The following PTPRG variants were observed in gnomAD, a reference collection of about 807,000 sequenced individuals.
The protein encoded by PTPRG is receptor-type tyrosine-protein phosphatase gamma.
Under a neutral mutation model 165.3 loss-of-function variants are expected in PTPRG, and 102 were observed. The ratio of observed to expected loss-of-function variants is 0.62; its 90% CI spans 0.53 to 0.73. PTPRG has a LOEUF of 0.73. Among genes scored for constraint, PTPRG ranks in the 30% least tolerant of loss-of-function variants. PTPRG has a pLI of 0.00. For synonymous variants in PTPRG, 675 were observed against 669.5 expected, an observed-to-expected ratio of 1.01 and a Z score of -0.13; for missense variants, 1,866 against 1,861.4, an observed-to-expected ratio of 1.00 and a Z score of -0.05.
At chr3:61,569,453 T>C (rs1700003793) in intron 1 of PTPRG, among the ~76,000 whole-genome samples, 1 of 152,202 alleles carries the variant, frequency 6.6e-6, no homozygotes, top group Non-Finnish European at 1.5e-5. Context: ...CAGTAAGTGC[T>C]CAATAACCAT....
At chr3:61,871,414 G>T (rs1187655783) in intron 2 of PTPRG, among the ~76,000 whole-genome samples, 1 of 151,772 alleles carries the variant, frequency 6.6e-6, no homozygotes, top group Non-Finnish European at 1.5e-5. Flanking sequence ...TTTTTTTTTG[G>T]AGAGATGGGG....
chr3:62,191,429 G>A (rs747177452), intron 8 of PTPRG, 40 bp from the exon 9 acceptor site: 1 of 1,596,614 alleles, frequency 6.3e-7, no homozygotes, highest in South Asian at 1.1e-5. Context: ...ATGGCGCATT[G>A]TTCTGAAAGC....
intron 2 of PTPRG, among the ~76,000 whole-genome samples, chr3:61,907,519 G>T (rs528399534): frequency 6.6e-6 from 1 of 152,138 alleles, no homozygotes; most frequent in African/African-American, 2.4e-5. Flanking sequence ...TTTTATGGAA[G>T]GTCCTTTTAT....
chr3:61,947,609 C>CT (rs1446752545), intron 2 of PTPRG, among the ~76,000 whole-genome samples: 1 of 152,162 alleles, frequency 6.6e-6, no homozygotes, highest in Non-Finnish European at 1.5e-5. Context: ...AACTGATTGA[C>CT]TGAAGTAACT....
intron 2 of PTPRG, among the ~76,000 whole-genome samples, chr3:61,901,119 T>A (rs2038488630): frequency 6.6e-6 from 1 of 152,222 alleles, no homozygotes; most frequent in African/African-American, 2.4e-5. Context: ...AACGTGGATT[T>A]CAGATGTTCT....
intron 2 of PTPRG, among the ~76,000 whole-genome samples, chr3:61,947,039 G>C (rs950706053): frequency 1.3e-5 from 2 of 152,196 alleles, no homozygotes; most frequent in Non-Finnish European, 2.9e-5. Flanking sequence ...CAGCAGCGAT[G>C]TAATCCTTTA....
chr3:61,816,267 C>A (rs972290071), intron 2 of PTPRG, among the ~76,000 whole-genome samples: 1 of 152,212 alleles, frequency 6.6e-6, no homozygotes, highest in African/African-American at 2.4e-5. Context: ...TGGTGGCTCA[C>A]ACCCATAATC....
At chr3:61,595,066 AAC>A (rs1421574155) in intron 1 of PTPRG, among the ~76,000 whole-genome samples, 1 of 152,146 alleles carries the variant, frequency 6.6e-6, no homozygotes, top group African/African-American at 2.4e-5. Context: ...ATTTTGTCAA[AAC>A]ACACAGATGA....
intron 1 of PTPRG, among the ~76,000 whole-genome samples, chr3:61,725,744 G>A (rs1235916810): frequency 7.3e-6 from 1 of 136,944 alleles, no homozygotes; most frequent in Admixed American, 7.7e-5. Context: ...AATGGCTACT[G>A]TGTTCATTGC....
At chr3:61,890,244 G>C (rs910104179) in intron 2 of PTPRG, among the ~76,000 whole-genome samples, 10 of 152,090 alleles carry the variant, frequency 6.6e-5, no homozygotes, top group African/African-American at 2.4e-4. Context: ...TGAATGGCCA[G>C]ATTTAACTAA....
At chr3:61,563,645 G>T (rs570187564) in intron 1 of PTPRG, among the ~76,000 whole-genome samples, 3 of 152,342 alleles carry the variant, frequency 2.0e-5, no homozygotes, top group African/African-American at 7.2e-5. Context: ...GGAGGTGGAG[G>T]TTATCTGAAT....
chr3:61,578,569 G>T (rs1355753594), intron 1 of PTPRG, among the ~76,000 whole-genome samples: 1 of 152,180 alleles, frequency 6.6e-6, no homozygotes, highest in East Asian at 1.9e-4. Flanking sequence ...GCTAAAATGG[G>T]TGGCTTTTCC....
In PTPRG at chr3:61,748,995, G is replaced by A; in HGVS notation, c.190+13G>A. On this transcript the variant is annotated intron_variant, in intron 2 of 29. Transcript: ENST00000474889. Reference sequence around the variant, plus strand: ...TGGGCCTACTCTGGTAAGTCCAGTTGTTCTAATGGAGATCACACAGGCCAG... The same window carrying A: ...TGGGCCTACTCTGGTAAGTCCAGTTATTCTAATGGAGATCACACAGGCCAG... 6.2e-7 allele frequency: 1 copy of A among 1,602,934 alleles called. No individual in the cohort carries two copies. The highest frequency in any genetic ancestry group is 1.1e-5 in the South Asian group (1 of 90,504).
chr3:61,758,708 C>G (rs1223616143), intron 2 of PTPRG, among the ~76,000 whole-genome samples: 1 of 152,074 alleles, frequency 6.6e-6, no homozygotes, highest in Non-Finnish European at 1.5e-5. Context: ...CCACCTCAGC[C>G]TCCCAAAGTG....
intron 13 of PTPRG, among the ~76,000 whole-genome samples, chr3:62,223,762 C>T (rs944823632): frequency 2.0e-5 from 3 of 152,142 alleles, no homozygotes; most frequent in African/African-American, 7.2e-5. Context: ...TCCTGGTATG[C>T]CTCAAATGAA....
chr3:62,077,728 G>C (rs1387658343), intron 4 of PTPRG, among the ~76,000 whole-genome samples: 1 of 152,116 alleles, frequency 6.6e-6, no homozygotes, highest in Non-Finnish European at 1.5e-5. Context: ...AAAGGGCCGG[G>C]TGTGGTGGCT....
intron 1 of PTPRG, among the ~76,000 whole-genome samples, chr3:61,664,467 A>T (rs145932559): frequency 1.3e-5 from 2 of 152,342 alleles, no homozygotes; most frequent in African/African-American, 2.4e-5. Flanking sequence ...AAATCTGGAT[A>T]TTCTGTAAAA....
intron 4 of PTPRG, among the ~76,000 whole-genome samples, chr3:62,027,747 A>C (rs775192512): frequency 6.6e-6 from 1 of 152,180 alleles, no homozygotes; most frequent in Non-Finnish European, 1.5e-5. Context: ...CCATCAAAAA[A>C]CGTGCCCCAG....
At chr3:61,843,925 C>T (rs1291867925) in intron 2 of PTPRG, among the ~76,000 whole-genome samples, 2 of 149,576 alleles carry the variant, frequency 1.3e-5, no homozygotes, top group African/African-American at 2.5e-5. Context: ...AGTTTATGTT[C>T]ATGTCATTGA....
Sources: gnomAD v4.1 joint callset for allele counts (sites outside exome capture counted in the v4.1 genomes callset) on GRCh38, gnomAD v4.1.1 for gene constraint, MANE v1.5 for transcripts, NCBI Gene and HGNC (gene_info 2026-07-23, HGNC 2026-07-21) for gene names.